Variants in ATP2B3 observed in about 807,000 individuals in gnomAD.
ATP2B3 encodes plasma membrane calcium-transporting ATPase 3.
ATP2B3 carries 12 observed loss-of-function variants against 70.8 expected under a neutral mutation model. The observed-to-expected ratio is 0.17, with a 90% CI of 0.11 to 0.27. The LOEUF is 0.27. Among genes scored for constraint, ATP2B3 ranks in the 10% least tolerant of loss-of-function variants. The pLI is 1.00. For synonymous variants in ATP2B3, 460 were observed against 497.8 expected (o/e 0.92, Z 1.01); for missense variants, 858 against 1,118.5 (o/e 0.77, Z 3.32).
At position 153,541,402 on chromosome X, in the gene ATP2B3, C is replaced by A. The variant is rs782248400; in HGVS notation, c.252C>A (p.Ile84=). The change falls in exon 4 of 22, where the codon ATC becomes ATA. Residue 84 remains isoleucine, a synonymous_variant. Coordinates refer to ENST00000263519, the MANE Select transcript of ATP2B3 (RefSeq NM_001001344.3). ...NTNDLEKRRQ[I]YGQNFIPPKQ... is the part of the protein sequence containing the mutation. ...ATGACCTGGAGAAGCGCAGGCAGATCTACGGGCAGAACTTCATCCCCCCAA... is the reference window on the plus strand; with the variant it reads ...ATGACCTGGAGAAGCGCAGGCAGATATACGGGCAGAACTTCATCCCCCCAA... The A allele has an allele frequency of 4.1e-6, 5 of 1,212,030 alleles. No individual in the cohort carries two copies. Among genetic ancestry groups the A allele is most frequent in the Non-Finnish European group, 4.5e-6 (4 of 895,609 alleles).
rs781902373 is a variant in ATP2B3 at position 153,542,840 on chromosome X, C to T, written c.791-203C>T. ...TCCCAGTTGGAAACGTAGTGTGAAA[C>T]GGGACAGGAAGGCTGGAGGCCCTAG... On this transcript the variant is annotated intron_variant, in intron 6 of 21. Transcript: ENST00000263519. Among the ~76,000 whole-genome samples the T allele has an allele frequency of 1.7e-4, 19 of 113,316 alleles. No homozygotes were observed. The East Asian group carries it at 1.7e-3, about 10-fold the overall frequency.
intron 2 of ATP2B3, among the ~76,000 whole-genome samples, chrX:153,529,677 G>A (rs1460685139): frequency 1.2e-4 from 13 of 112,170 alleles, no homozygotes; most frequent in East Asian, 2.8e-4. Context: ...GAACTTGTTC[G>A]TCTTCCCAAA....
intron 20 of ATP2B3, among the ~76,000 whole-genome samples, chrX:153,563,136 C>CTTTTTT (rs36131654): frequency 0.02 from 967 of 48,508 alleles, 18 homozygotes; most frequent in Admixed American, 0.027. Flanking sequence ...CTGGCTTTTC[C>CTTTTTT]TTTTTTTTTT....
rs1007724127 is a variant in ATP2B3 at position 153,531,554 on chromosome X, G to A, written c.-126-4568G>A. 4.4e-5 allele frequency among the ~76,000 whole-genome samples: 5 copies of A among 113,157 alleles called. No homozygotes were observed. In the East Asian group the frequency reaches 1.1e-3, roughly 25 times the overall value. On this transcript the variant is annotated intron_variant, in intron 2 of 21. Coordinates refer to ENST00000263519, the MANE Select transcript of ATP2B3 (RefSeq NM_001001344.3). Reference sequence around the variant, plus strand: ...TGCCTTCAGGAGGGCCCACGGTGGAGGGCATGTGCCCAGGTAGGCCCCCAG... The same window carrying A: ...TGCCTTCAGGAGGGCCCACGGTGGAAGGCATGTGCCCAGGTAGGCCCCCAG...
In ATP2B3 at chrX:153,580,781, C is replaced by CAAA. The variant is rs782250982; in HGVS notation, c.*496_*498dup. The CAAA allele has an allele frequency of 8.6e-5, 8 of 93,422 alleles. No individual in the cohort carries two copies. The highest frequency in any genetic ancestry group is 2.3e-4 in the Admixed American group (2 of 8,550). 7.7% of individuals were successfully genotyped at this position (93,422 alleles called of 1,213,427 possible). The stretch of plus-strand genomic sequence containing the variant: ...GGGCAATCAGATCAGCATCTTCATG[C>CAAA]AAAAAAAAAAAAAAAGTTGAGTGCT... On this transcript the variant is annotated 3_prime_UTR_variant, in exon 22 of 22. Transcript: ENST00000263519.
intron 17 of ATP2B3, 39 bp from the exon 18 acceptor site, chrX:153,559,690 C>A: frequency 8.5e-7 from 1 of 1,173,520 alleles, no homozygotes; most frequent in Non-Finnish European, 1.2e-6. Flanking sequence ...CCTTCCCGGG[C>A]AGGCGGCCCA....
At chrX:153,540,021 G>A (rs1167542886) in intron 3 of ATP2B3, among the ~76,000 whole-genome samples, 1 of 112,771 alleles carries the variant, frequency 8.9e-6, no homozygotes, top group Non-Finnish European at 1.9e-5. Context: ...TCGCCATGTA[G>A]ACAAGCTGTG....
At chrX:153,548,893 C>A (rs1044866245) in intron 10 of ATP2B3, 39 bp downstream of exon 10, 2 of 1,161,728 alleles carry the variant, frequency 1.7e-6, no homozygotes, top group African/African-American at 1.8e-5. Context: ...TTTACAGACT[C>A]GGAAACTGGG....
intron 2 of ATP2B3, chrX:153,533,005 C>A (rs782321703): frequency 2.3e-4 from 26 of 112,037 alleles, no homozygotes; most frequent in African/African-American, 6.8e-4. Context: ...CTGTTGCATT[C>A]ATGAAGACAG....
intron 21 of ATP2B3, among the ~76,000 whole-genome samples, chrX:153,567,717 G>A (rs782319548): frequency 1.3e-4 from 15 of 111,236 alleles, no homozygotes; most frequent in East Asian, 8.5e-4. Context: ...ACAGAGACAC[G>A]GGCAGCTGAG....
chrX:153,527,030 A>G (rs782370123), intron 2 of ATP2B3, among the ~76,000 whole-genome samples: 23 of 112,455 alleles, frequency 2.0e-4, no homozygotes, highest in African/African-American at 5.5e-4. Context: ...TGCCTGTCCA[A>G]GCTGGAAGGA....
intron 5 of ATP2B3, 51 bp from the exon 6 acceptor site, chrX:153,542,272 C>A (rs375014166): frequency 8.3e-7 from 1 of 1,202,627 alleles, no homozygotes; most frequent in Non-Finnish European, 1.1e-6. Context: ...TCCCCTGGGG[C>A]AGCCGGGAGG....
At chrX:153,538,960 C>T (rs782738349) in intron 3 of ATP2B3, among the ~76,000 whole-genome samples, 1 of 112,984 alleles carries the variant, frequency 8.9e-6, no homozygotes, top group African/African-American at 3.2e-5. Flanking sequence ...CAGGGACAAA[C>T]TGGGCATGTG....
rs1041725689 is a variant in ATP2B3, at chrX:153,558,300, T to C, written c.2622T>C (p.Thr874=). 1 of 1,208,476 alleles carries C rather than the reference T, an allele frequency of 8.3e-7. No homozygotes were observed. Among genetic ancestry groups the C allele is most frequent in the Admixed American group, 2.2e-5 (1 of 45,896 alleles). Residue 874 remains threonine (T), a synonymous_variant, in exon 17 of 22, where the codon ACT becomes ACC. Transcript: ENST00000263519. ...VIVAFTGACI[T]QDSPLKAVQM... ...TGGCCTTCACAGGTGCCTGCATTAC[T>C]CAGGTGGGTACTGGGGGCTGCCATG...
intron 3 of ATP2B3, among the ~76,000 whole-genome samples, chrX:153,538,356 G>A (rs376583825): frequency 8.8e-6 from 1 of 113,099 alleles, no homozygotes; most frequent in East Asian, 2.8e-4. Flanking sequence ...GCTTTATGGC[G>A]CATAGTGCAT....
At chrX:153,524,378 C>A (rs782757325) in intron 2 of ATP2B3, among the ~76,000 whole-genome samples, 31 of 111,567 alleles carry the variant, frequency 2.8e-4, no homozygotes, top group African/African-American at 9.8e-4. Flanking sequence ...CACATAGTCT[C>A]TGTCCCGACT....
rs1235272050 is a variant in ATP2B3, at chrX:153,581,919, G to A, written c.*1621G>A. 1.8e-5 allele frequency: 2 copies of A among 112,523 alleles called. No individual in the cohort carries two copies. The highest frequency in any genetic ancestry group is 9.4e-5 in the Admixed American group (1 of 10,690). 9.3% of individuals were successfully genotyped at this position (112,523 alleles called of 1,213,427 possible). On this transcript the variant is annotated 3_prime_UTR_variant, in exon 22 of 22. Coordinates refer to ENST00000263519, the MANE Select transcript of ATP2B3 (RefSeq NM_001001344.3). ...GAGCAAAGGGGATAAAGAGGGGCCCGACTTTTGCCACCCTCCTGAGGAAGC... is the reference window on the plus strand; with the variant it reads ...GAGCAAAGGGGATAAAGAGGGGCCCAACTTTTGCCACCCTCCTGAGGAAGC...
chrX:153,574,683 G>A (rs188008477), intron 21 of ATP2B3: 5 of 288,581 alleles, frequency 1.7e-5, no homozygotes, highest in East Asian at 2.2e-4. Context: ...TCGGTCCTTC[G>A]CTTGTCTCCC....
intron 18 of ATP2B3, 68 bp downstream of exon 18, chrX:153,560,010 G>A: frequency 9.6e-7 from 1 of 1,042,090 alleles, no homozygotes; most frequent in Non-Finnish European, 1.3e-6. Flanking sequence ...CTCAGATTCT[G>A]TCTGGTGTGT....
Sources: allele counts gnomAD v4.1 joint callset (sites outside exome capture counted in the v4.1 genomes callset), GRCh38; gene constraint gnomAD v4.1.1; transcripts MANE v1.5; gene names NCBI Gene and HGNC (gene_info 2026-07-23, HGNC 2026-07-21).